The following L1TD1 variants were observed in gnomAD, a reference collection of about 807,000 sequenced individuals.
The protein encoded by L1TD1 is LINE1 type transposase domain containing 1.
Under a neutral mutation model 25.7 loss-of-function variants are expected in L1TD1, and 26 were observed. The ratio of observed to expected loss-of-function variants is 1.01; its 90% CI spans 0.74 to 1.40. The LOEUF (loss-of-function observed/expected upper bound fraction) is 1.40. L1TD1 is among the 40% of genes most tolerant of loss of function. The probability of loss-of-function intolerance (pLI) is 0.00; values close to 1 mark genes in which losing one functional copy is unlikely to be tolerated. For missense variants in L1TD1, 1,130 were observed against 975.0 expected (o/e 1.16, Z -2.12); for synonymous variants, 421 against 335.6 (o/e 1.25, Z -2.78).
rs1414551338 is a variant in L1TD1, at chr1:62,200,205, T to C, written c.-111+3677T>C. ...GGTTATGATTATTTGAGACGGAGTTTCACTCTTGTTGCCCAGGTTGGAGTG... is the reference window on the plus strand; with the variant it reads ...GGTTATGATTATTTGAGACGGAGTTCCACTCTTGTTGCCCAGGTTGGAGTG... On this transcript the variant is annotated intron_variant, in intron 2 of 3. Coordinates refer to ENST00000498273, the MANE Select transcript of L1TD1 (RefSeq NM_019079.5). Among the ~76,000 whole-genome samples the C allele has an allele frequency of 2.6e-5, 4 of 152,190 alleles. No homozygotes were observed. The East Asian group carries it at 7.7e-4, about 29-fold the overall frequency.
chr1:62,205,647 T>G (rs958845919), intron 2 of L1TD1, among the ~76,000 whole-genome samples: 9 of 151,362 alleles, frequency 5.9e-5, no homozygotes, highest in Admixed American at 5.9e-4. Context: ...GCCAGGCTGG[T>G]CTTGAACTCC....
intron 2 of L1TD1, among the ~76,000 whole-genome samples, chr1:62,204,360 T>C (rs749782244): frequency 3.9e-5 from 6 of 152,204 alleles, no homozygotes; most frequent in Non-Finnish European, 8.8e-5. Context: ...AGCACCACTT[T>C]AGCTACATTC....
intron 2 of L1TD1, among the ~76,000 whole-genome samples, chr1:62,204,615 G>A (rs1043835924): frequency 8.5e-5 from 13 of 152,048 alleles, no homozygotes; most frequent in African/African-American, 3.1e-4. Context: ...TGTTGCCCAG[G>A]CTGATGTTGA....
At position 62,210,545 on chromosome 1, in the gene L1TD1, GA is replaced by G; in HGVS notation, c.1775del (p.Lys592ArgfsTer11). 6.2e-7 allele frequency: 1 copy of G among 1,612,566 alleles called. No homozygotes were observed. The highest frequency in any genetic ancestry group is 8.5e-7 in the Non-Finnish European group (1 of 1,179,646). On this transcript the variant is annotated frameshift_variant, in exon 4 of 4. Coordinates refer to ENST00000498273, the MANE Select transcript of L1TD1 (RefSeq NM_019079.5). LOFTEE classifies it low-confidence loss of function (END_TRUNC). ...AGTCACCAAACTTAAGAAAACAGAAGAAAAGAAACACAGAACTCTGCACACA... is the reference window on the plus strand; with the variant it reads ...AGTCACCAAACTTAAGAAAACAGAAGAAAGAAACACAGAACTCTGCACACA... Reference protein sequence around the residue: ...TGVTKLKKTEEKKHRTLHTEE... With the variant: ...TGVTKLKKTEXKKHRTLHTEE...
chr1:62,205,846 C>G (rs1205055726), intron 2 of L1TD1, among the ~76,000 whole-genome samples: 1 of 152,118 alleles, frequency 6.6e-6, no homozygotes, highest in Non-Finnish European at 1.5e-5. Flanking sequence ...ATCCTTGCAT[C>G]TGAACCTCCC....
Position 62,210,255 on chromosome 1 carries a change from C to T in L1TD1, c.1481C>T (p.Thr494Ile). The T allele has an allele frequency of 6.2e-7, 1 of 1,614,120 alleles. No homozygotes were observed. The highest frequency in any genetic ancestry group is 8.5e-7 in the Non-Finnish European group (1 of 1,180,024). Reference sequence around the variant, plus strand: ...AGCTCTGAAACAGGAAAGGTAAAGACTACCTCCCTGACTGAGAAAAAAGCC... The same window carrying T: ...AGCTCTGAAACAGGAAAGGTAAAGATTACCTCCCTGACTGAGAAAAAAGCC... ...GKSSETGKVK[T>I]TSLTEKKASR... is the part of the protein sequence containing the mutation. The change falls in exon 4 of 4, where the codon ACT (threonine) becomes ATT (isoleucine). Residue 494 changes from threonine (T) to isoleucine (I), a missense_variant. Transcript: ENST00000498273.
chr1:62,195,683 C>T (rs140693154), intron 1 of L1TD1, among the ~76,000 whole-genome samples: 4,465 of 152,196 alleles, frequency 0.029, 233 homozygotes, highest in African/African-American at 0.1. Context: ...ACCCGAGAGG[C>T]AGAGGTTGCA....
chr1:62,201,475 G>A (rs1391964230), intron 2 of L1TD1, among the ~76,000 whole-genome samples: 1 of 139,414 alleles, frequency 7.2e-6, no homozygotes, highest in South Asian at 2.3e-4. Context: ...CAACCTCGGC[G>A]AGTGAGACCC....
Position 62,211,514 on chromosome 1 carries a change from G to T in L1TD1, c.*142G>T. 1 of 1,353,480 alleles carries T rather than the reference G, an allele frequency of 7.4e-7. No homozygotes were observed. The highest frequency in any genetic ancestry group is 9.8e-7 in the Non-Finnish European group (1 of 1,017,246). 83.8% of individuals were successfully genotyped at this position (1,353,480 alleles called of 1,614,324 possible). A position where few individuals can be genotyped will look rare whatever the true frequency, so the allele number is the denominator to read the frequency against. ...GGGATGAGGAGCAAGGAATATTACA[G>T]ATATTACCTAGATGTTAATAAAGGG... On this transcript the variant is annotated 3_prime_UTR_variant, in exon 4 of 4. Coordinates refer to ENST00000498273, the MANE Select transcript of L1TD1 (RefSeq NM_019079.5).
chr1:62,195,143 G>C (rs181549356), intron 1 of L1TD1, among the ~76,000 whole-genome samples: 1 of 151,602 alleles, frequency 6.6e-6, no homozygotes, highest in African/African-American at 2.4e-5. Flanking sequence ...CCAGGAGCGT[G>C]AGGTCCAGGG....
At position 62,207,557 on chromosome 1, in the gene L1TD1, A is replaced by G. The variant is rs1670776387; in HGVS notation, c.929A>G (p.Lys310Arg). The G allele has an allele frequency of 6.4e-7, 1 of 1,551,058 alleles. No homozygotes were observed. The highest frequency in any genetic ancestry group is 1.4e-5 in the African/African-American group (1 of 73,008). The part of the protein sequence containing the change: ...RKFASQKSSV[K>R]ELLKDVLPQK... ...TTTGCCAGCCAAAAATCTTCTGTGA[A>G]AGAATTACTGAAAGATGTACTCCCA... The change falls in exon 3 of 4, where the codon AAA becomes AGA. Residue 310 changes from lysine to arginine, a missense_variant. Lys to Arg is a conservative substitution (Grantham distance 26). Transcript: ENST00000498273.
intron 2 of L1TD1, among the ~76,000 whole-genome samples, chr1:62,197,691 C>T (rs1482958172): frequency 2.0e-5 from 3 of 151,742 alleles, no homozygotes; most frequent in East Asian, 3.9e-4. Flanking sequence ...CCAGCCTGGC[C>T]AACATGGTGA....
rs1225565569 is a variant in L1TD1, at chr1:62,209,808, A to G, written c.1034A>G (p.His345Arg). 1 of 1,603,478 alleles carries G rather than the reference A, an allele frequency of 6.2e-7. No homozygotes were observed. Residue 345 changes from histidine (H) to arginine (R), a missense_variant, in exon 4 of 4, where the codon CAT becomes CGT. Physicochemically the swap from His to Arg is conservative, Grantham distance 29. Transcript: ENST00000498273. ...KRDKTLIDSK[H>R]RAGEITSDGL... is the part of the protein sequence containing the mutation. ...GATAAAACCCTAATAGACTCAAAGCATAGAGCTGGAGAAATAACCAGTGAT... is the reference window on the plus strand; with the variant it reads ...GATAAAACCCTAATAGACTCAAAGCGTAGAGCTGGAGAAATAACCAGTGAT...
intron 2 of L1TD1, among the ~76,000 whole-genome samples, chr1:62,198,901 A>C (rs1455310105): frequency 1.3e-5 from 2 of 151,670 alleles, no homozygotes; most frequent in Non-Finnish European, 2.9e-5. Flanking sequence ...GCAGTGATGC[A>C]ATCATAGCTT....
At chr1:62,208,480 G>GTTTTTTTT (rs1287163935) in intron 3 of L1TD1, 1 of 85,964 alleles carries the variant, frequency 1.2e-5, no homozygotes, top group African/African-American at 4.6e-5. Context: ...GCTGGAAGGG[G>GTTTTTTTT]CTTTTTTTTT....
chr1:62,203,768 T>C (rs748612546), intron 2 of L1TD1, among the ~76,000 whole-genome samples: 2 of 152,188 alleles, frequency 1.3e-5, no homozygotes, highest in South Asian at 2.1e-4. Flanking sequence ...ATATTTTTAG[T>C]AGAGAAAGGG....
chr1:62,209,766 C>A lies in L1TD1; in HGVS notation c.1009-17C>A, dbSNP rs765441559. 6 of 1,434,222 alleles carry A rather than the reference C, an allele frequency of 4.2e-6. No homozygotes were observed. In the East Asian group the frequency reaches 1.4e-4, roughly 34 times the overall value. 88.8% of individuals were successfully genotyped at this position (1,434,222 alleles called of 1,614,324 possible). ...TAAACAAATAACTCTTTTTTTTCTT[C>A]TTTGTTTAACTTTCAGGATAAAACC... is the stretch of plus-strand genomic sequence containing the variant. On this transcript the variant is annotated splice_polypyrimidine_tract_variant and intron_variant, in intron 3 of 3. Transcript: ENST00000498273.
chr1:62,199,731 T>C (rs1670607329), intron 2 of L1TD1, among the ~76,000 whole-genome samples: 1 of 152,110 alleles, frequency 6.6e-6, no homozygotes, highest in Admixed American at 6.6e-5. Flanking sequence ...TCATGTACTA[T>C]AGAGTGACTC....
rs773134809 is a variant in L1TD1, at chr1:62,211,236, C to G, written c.2462C>G (p.Pro821Arg). 1.3e-6 allele frequency: 2 copies of G among 1,576,856 alleles called. No homozygotes were observed. The highest frequency in any genetic ancestry group is 1.9e-5 in the Admixed American group (1 of 53,040). Reference sequence around the variant, plus strand: ...GTTCTGCTGGAAAAAGGCTTTAATCCTAGAATCCTATATCCAGCCAAAATG... The same window carrying G: ...GTTCTGCTGGAAAAAGGCTTTAATCGTAGAATCCTATATCCAGCCAAAATG... ...FKVLLEKGFN[P>R]RILYPAKMAF... The change falls in exon 4 of 4, where the codon CCT becomes CGT. Residue 821 changes from proline to arginine, a missense_variant. Transcript: ENST00000498273.
Sources: gnomAD v4.1 joint callset for allele counts (sites outside exome capture counted in the v4.1 genomes callset) on GRCh38, gnomAD v4.1.1 for gene constraint, MANE v1.5 for transcripts, NCBI Gene and HGNC (gene_info 2026-07-23, HGNC 2026-07-21) for gene names.